The following FNBP1L variants were observed in gnomAD, a reference collection of about 807,000 sequenced individuals.
FNBP1L encodes the protein formin-binding protein 1-like.
FNBP1L carries 36 observed loss-of-function variants against 91.2 expected under a neutral mutation model. The observed-to-expected ratio is 0.39, with a 90% CI of 0.30 to 0.52. FNBP1L has a LOEUF of 0.52. Among genes scored for constraint, FNBP1L ranks in the 20% least tolerant of loss-of-function variants. The pLI is 0.66. For missense variants in FNBP1L, 571 were observed against 732.1 expected, an observed-to-expected ratio of 0.78 and a Z score of 2.54; for synonymous variants, 242 against 237.0, an observed-to-expected ratio of 1.02 and a Z score of -0.19.
chr1:93,482,461 C>T (rs1002222608), intron 1 of FNBP1L, among the ~76,000 whole-genome samples: 2 of 151,954 alleles, frequency 1.3e-5, no homozygotes, highest in East Asian at 1.9e-4. Context: ...GTAAGTACTT[C>T]ATGTGCAGTA....
Position 93,544,068 on chromosome 1 carries a change from C to T in FNBP1L, c.1165-39C>T, listed in dbSNP as rs532296475. 157 of 1,426,154 alleles carry T rather than the reference C, an allele frequency of 1.1e-4. 1 individual carries two copies. Among genetic ancestry groups the T allele is most frequent in the Non-Finnish European group, 1.4e-4 (144 of 1,055,324 alleles). 88.3% of individuals were successfully genotyped at this position (1,426,154 alleles called of 1,614,324 possible). On this transcript the variant is annotated intron_variant, in intron 11 of 16. Transcript: ENST00000271234. ...GGTATATTTTAAAAATAAAATTTCC[C>T]GAAAATGTCTATTATAATGATTTAG...
rs1668333492 is a variant in FNBP1L at position 93,448,204 on chromosome 1, C to G, written c.-78C>G. The G allele has an allele frequency of 4.7e-6, 7 of 1,500,670 alleles. No individual in the cohort carries two copies. In the East Asian group the frequency reaches 2.0e-4, roughly 43 times the overall value. 93.0% of individuals were successfully genotyped at this position (1,500,670 alleles called of 1,614,324 possible). A position where few individuals can be genotyped will look rare whatever the true frequency, so the allele number is the denominator to read the frequency against. On this transcript the variant is annotated 5_prime_UTR_variant, in exon 1 of 17. Coordinates refer to ENST00000271234, the MANE Select transcript of FNBP1L (RefSeq NM_001164473.3). ...GCTGAGCTGCTAGCCCGCCGGCCAG[C>G]GAGTGAGAGGTCGGACAGACTGTGG...
At chr1:93,504,996 A>G (rs981073776) in intron 2 of FNBP1L, among the ~76,000 whole-genome samples, 1 of 152,114 alleles carries the variant, frequency 6.6e-6, no homozygotes, top group Non-Finnish European at 1.5e-5. Context: ...AAATCATTGC[A>G]AAATCCAGTA....
At chr1:93,504,707 G>C (rs1413576403) in intron 2 of FNBP1L, among the ~76,000 whole-genome samples, 2 of 152,144 alleles carry the variant, frequency 1.3e-5, no homozygotes, top group Non-Finnish European at 2.9e-5. Context: ...CTGTGGTTCT[G>C]ACTTGCATTT....
At chr1:93,501,233 A>T (rs1670432044) in intron 2 of FNBP1L, among the ~76,000 whole-genome samples, 2 of 152,216 alleles carry the variant, frequency 1.3e-5, no homozygotes, top group South Asian at 4.1e-4. Context: ...CAATAAAGGA[A>T]AAGGTTTAAA....
intron 11 of FNBP1L, among the ~76,000 whole-genome samples, chr1:93,542,519 A>G (rs1672081270): frequency 6.6e-6 from 1 of 150,968 alleles, no homozygotes; most frequent in Non-Finnish European, 1.5e-5. Context: ...AATATCCATA[A>G]TCTACAGGCC....
chr1:93,548,249 A>G (rs1672304045), intron 14 of FNBP1L, among the ~76,000 whole-genome samples: 1 of 152,150 alleles, frequency 6.6e-6, no homozygotes, highest in Non-Finnish European at 1.5e-5. Context: ...AAAAGGATCT[A>G]ATTTCTTTGG....
intron 1 of FNBP1L, among the ~76,000 whole-genome samples, chr1:93,473,401 G>C (rs75375753): frequency 6.6e-6 from 1 of 152,056 alleles, no homozygotes; most frequent in African/African-American, 2.4e-5. Flanking sequence ...TTTACAGAAG[G>C]TGAAACTTAA....
rs574421731 is a variant in FNBP1L at position 93,518,549 on chromosome 1, A to G, written c.141-3533A>G. 2.0e-5 allele frequency among the ~76,000 whole-genome samples: 3 copies of G among 152,344 alleles called. 1 individual carries two copies. The highest frequency in any genetic ancestry group is 2.4e-5 in the African/African-American group (1 of 41,596). ...TGTCAAATTTTTGGCTTAAATGTCTAAATTCTAGATGGATGGTAGTGCCAC... is the reference window on the plus strand; with the variant it reads ...TGTCAAATTTTTGGCTTAAATGTCTGAATTCTAGATGGATGGTAGTGCCAC... On this transcript the variant is annotated intron_variant, in intron 2 of 16. Transcript: ENST00000271234.
intron 2 of FNBP1L, among the ~76,000 whole-genome samples, chr1:93,517,369 A>C (rs370557164): frequency 6.6e-6 from 1 of 151,734 alleles, no homozygotes; most frequent in East Asian, 1.9e-4. Context: ...TCTCTTTCCC[A>C]GGCTGGAGTG....
intron 5 of FNBP1L, among the ~76,000 whole-genome samples, chr1:93,527,856 C>T (rs1671542828): frequency 1.3e-5 from 2 of 151,812 alleles, no homozygotes; most frequent in Admixed American, 1.3e-4. Context: ...CAAAAACAAA[C>T]AAGGAAAATA....
At position 93,524,334 on chromosome 1, in the gene FNBP1L, A is replaced by C; in HGVS notation, c.405+11A>C. On this transcript the variant is annotated intron_variant, in intron 5 of 16. Coordinates refer to ENST00000271234, the MANE Select transcript of FNBP1L (RefSeq NM_001164473.3). The stretch of plus-strand genomic sequence containing the variant: ...AAACAGATGGATAATGTGAGTTATG[A>C]CATTTTCATGGTTAACATAAAATCT... 6.7e-7 allele frequency: 1 copy of C among 1,482,984 alleles called. No homozygotes were observed. The highest frequency in any genetic ancestry group is 9.0e-7 in the Non-Finnish European group (1 of 1,115,882). 91.9% of individuals were successfully genotyped at this position (1,482,984 alleles called of 1,614,324 possible).
chr1:93,456,602 CAAAAAAAA>C (rs60167572), intron 1 of FNBP1L, among the ~76,000 whole-genome samples: 1 of 53,374 alleles, frequency 1.9e-5, no homozygotes, highest in Non-Finnish European at 4.3e-5. Flanking sequence ...CCTTCTCTAC[CAAAAAAAA>C]AAAAAAAAAA....
chr1:93,516,786 T>C (rs1671136493), intron 2 of FNBP1L, among the ~76,000 whole-genome samples: 1 of 152,152 alleles, frequency 6.6e-6, no homozygotes, highest in Non-Finnish European at 1.5e-5. Flanking sequence ...ATTTGACTTG[T>C]TTAATGCAGT....
At chr1:93,506,519 G>C (rs1670618841) in intron 2 of FNBP1L, among the ~76,000 whole-genome samples, 1 of 121,098 alleles carries the variant, frequency 8.3e-6, no homozygotes, top group African/African-American at 2.5e-5. Context: ...CAGCTCTTAA[G>C]TAAGTTAAGA....
chr1:93,477,087 C>T (rs1669522621), intron 1 of FNBP1L, among the ~76,000 whole-genome samples: 1 of 152,150 alleles, frequency 6.6e-6, no homozygotes, highest in African/African-American at 2.4e-5. Context: ...CTGACATGCT[C>T]ACTTGCATTT....
rs146483487 is a variant in FNBP1L, at chr1:93,451,961, A to C, written c.24+3656A>C. 2.0e-5 allele frequency among the ~76,000 whole-genome samples: 3 copies of C among 152,140 alleles called. No individual in the cohort carries two copies. The East Asian group carries it at 5.8e-4, about 29-fold the overall frequency. ...CACCGTGCCCGGTCTTCATCATATT[A>C]TTAACTAAATGCATTTGACAAAGCT... On this transcript the variant is annotated intron_variant, in intron 1 of 16. Transcript: ENST00000271234.
At chr1:93,482,029 G>A (rs546063799) in intron 1 of FNBP1L, among the ~76,000 whole-genome samples, 107 of 152,014 alleles carry the variant, frequency 7.0e-4, no homozygotes, top group Non-Finnish European at 1.4e-3. Context: ...TTGTAGTAGC[G>A]TGTACCTGTA....
At chr1:93,494,408 A>G (rs912469908) in intron 1 of FNBP1L, among the ~76,000 whole-genome samples, 1 of 152,150 alleles carries the variant, frequency 6.6e-6, no homozygotes, top group Non-Finnish European at 1.5e-5. Context: ...TTACATAGGT[A>G]TGATTGATTA....
Sources: allele counts gnomAD v4.1 joint callset (sites outside exome capture counted in the v4.1 genomes callset), GRCh38; gene constraint gnomAD v4.1.1; transcripts MANE v1.5; gene names NCBI Gene and HGNC (gene_info 2026-07-23, HGNC 2026-07-21).